Variants in CAPN8 observed in about 807,000 individuals in gnomAD.
The protein encoded by CAPN8 is calpain-8.
Under a neutral mutation model 80.9 loss-of-function variants are expected in CAPN8, and 87 were observed. The observed-to-expected ratio is 1.07, with a 90% confidence interval of 0.90 to 1.28. The LOEUF (loss-of-function observed/expected upper bound fraction) is 1.28, where lower values mean the gene tolerates loss of function less well. CAPN8 is among the 50% of genes most tolerant of loss of function. The pLI is 0.00. For missense variants in CAPN8, 757 were observed against 702.0 expected, an observed-to-expected ratio of 1.08 and a Z score of -0.89; for synonymous variants, 299 against 273.8, an observed-to-expected ratio of 1.09 and a Z score of -0.91.
intron 14 of CAPN8, among the ~76,000 whole-genome samples, chr1:223,553,448 C>T (rs1433728813): frequency 2.6e-5 from 4 of 152,326 alleles, no homozygotes; most frequent in African/African-American, 9.6e-5. Context: ...CTGCCTTCCA[C>T]TGCGGCTGGG....
At chr1:223,641,798 G>A (rs955577353) in intron 2 of CAPN8, among the ~76,000 whole-genome samples, 2 of 152,226 alleles carry the variant, frequency 1.3e-5, no homozygotes, top group African/African-American at 4.8e-5. Flanking sequence ...ACAAGAGGAA[G>A]GAGTGCCTAT....
Position 223,619,354 on chromosome 1 carries a change from C to A in CAPN8, c.1074G>T (p.Leu358=). The A allele has an allele frequency of 6.4e-7, 1 of 1,551,690 alleles. No homozygotes were observed. ...GGGTCCAGTGGCCGTTGAACAGGAC[C>A]AGGTTCCATTTGTGCACCTCCTCGC... ...LSSEEVHKWN[L]VLFNGHWTRG... The change falls in exon 9 of 21, where the codon CTG becomes CTT. Residue 358 remains leucine (L), a synonymous_variant. Transcript: ENST00000366872.
chr1:223,544,781 T>C lies in CAPN8; in HGVS notation c.1903A>G (p.Arg635Gly). Residue 635 changes from arginine (R) to glycine (G), a missense_variant, in exon 18 of 21, where the codon AGG becomes GGG. Coordinates refer to ENST00000366872, the MANE Select transcript of CAPN8 (RefSeq NM_001143962.2). ...CAGGATGTGTCCTCACCTGCCTTCC[T>C]GAGGGCTGTCCTCATCTCGTGGGCA... The part of the protein sequence containing the change: ...IDAHEMRTAL[R>G]KAGFTLNSQV... 6.4e-7 allele frequency: 1 copy of C among 1,551,740 alleles called. No homozygotes were observed. The highest frequency in any genetic ancestry group is 8.7e-7 in the Non-Finnish European group (1 of 1,146,996).
At position 223,637,084 on chromosome 1, in the gene CAPN8, G is replaced by A. The variant is rs546198180; in HGVS notation, c.308-8304C>T. On this transcript the variant is annotated intron_variant, in intron 2 of 20. Transcript: ENST00000366872. ...ACACTCACCTCTCTGAAGACTTCGC[G>A]TATATCATGGTTAGACTCAGGTCTA... 9.1e-4 allele frequency among the ~76,000 whole-genome samples: 138 copies of A among 152,282 alleles called. 1 individual carries two copies. Among genetic ancestry groups the A allele is most frequent in the African/African-American group, 3.2e-3 (131 of 41,550 alleles).
chr1:223,612,082 A>G (rs1200387789), intron 11 of CAPN8, among the ~76,000 whole-genome samples, 164 bp downstream of exon 11: 1 of 152,220 alleles, frequency 6.6e-6, no homozygotes, highest in African/African-American at 2.4e-5. Context: ...ACCCACTCTC[A>G]GAGCTACCAG....
At chr1:223,636,890 T>C (rs1001184775) in intron 2 of CAPN8, among the ~76,000 whole-genome samples, 2 of 147,936 alleles carry the variant, frequency 1.4e-5, no homozygotes, top group African/African-American at 5.0e-5. Context: ...CCTTGAGTAG[T>C]CTATCACTAG....
intron 2 of CAPN8, 113 bp from the exon 3 acceptor site, chr1:223,628,893 G>A (rs1211729987): frequency 4.0e-6 from 3 of 750,068 alleles, no homozygotes; most frequent in Non-Finnish European, 4.3e-6. Flanking sequence ...TCCCTTCTGA[G>A]TCAGGTAGAG....
At chr1:223,657,867 C>G (rs1330345875) in intron 1 of CAPN8, among the ~76,000 whole-genome samples, 2 of 152,166 alleles carry the variant, frequency 1.3e-5, no homozygotes, top group Non-Finnish European at 2.9e-5. Flanking sequence ...CATAAAACTC[C>G]TCTCACCCAT....
At chr1:223,662,900 T>C (rs80170959) in intron 1 of CAPN8, among the ~76,000 whole-genome samples, 8 of 152,208 alleles carry the variant, frequency 5.3e-5, no homozygotes, top group Non-Finnish European at 1.0e-4. Context: ...ATTCAATAAC[T>C]GTAAGATCTT....
At chr1:223,620,317 G>C in intron 7 of CAPN8, 51 bp from the exon 8 acceptor site, 1 of 1,497,718 alleles carries the variant, frequency 6.7e-7, no homozygotes, top group Non-Finnish European at 9.1e-7. Flanking sequence ...TCTACAAGCA[G>C]GGCAAGCTGT....
intron 12 of CAPN8, among the ~76,000 whole-genome samples, chr1:223,558,642 G>A (rs1437454610): frequency 6.6e-6 from 1 of 151,928 alleles, no homozygotes; most frequent in Non-Finnish European, 1.5e-5. Flanking sequence ...GTGTGTATGT[G>A]GTATGAGTGT....
chr1:223,547,608 G>A (rs963779099), intron 16 of CAPN8, among the ~76,000 whole-genome samples: 2 of 152,146 alleles, frequency 1.3e-5, no homozygotes, highest in Non-Finnish European at 2.9e-5. Flanking sequence ...TACGCTGTAT[G>A]GTGTGTAAAT....
intron 15 of CAPN8, among the ~76,000 whole-genome samples, chr1:223,550,450 G>A (rs1656752097): frequency 6.6e-6 from 1 of 152,254 alleles, no homozygotes; most frequent in South Asian, 2.1e-4. Flanking sequence ...GGGCTCAGAG[G>A]GGAGATGCAA....
At chr1:223,617,889 G>A (rs1657248699) in intron 9 of CAPN8, 1 of 201,708 alleles carries the variant, frequency 5.0e-6, no homozygotes, top group Non-Finnish European at 1.0e-5. Context: ...AGGGCAGGAT[G>A]TGGACCCCTT....
At position 223,665,633 on chromosome 1, in the gene CAPN8, G is replaced by T; in HGVS notation, c.14C>A (p.Ala5Glu). Reference sequence around the variant, plus strand: ...TGCCCGCTGCCTAGATACACCAGCTGCCTGGGCTGCCATGGCCGTGGGCTC... The same window carrying T: ...TGCCCGCTGCCTAGATACACCAGCTTCCTGGGCTGCCATGGCCGTGGGCTC... MAAQAAGVSRQRAAT... is the reference protein window; with the variant it reads MAAQEAGVSRQRAAT... Residue 5 changes from alanine (A) to glutamate (E), a missense_variant, in exon 1 of 21, where the codon GCA becomes GAA. Ala to Glu is a moderately radical substitution (Grantham distance 107, BLOSUM62 -1). Coordinates refer to ENST00000366872, the MANE Select transcript of CAPN8 (RefSeq NM_001143962.2). 10 of 1,551,364 alleles carry T rather than the reference G, an allele frequency of 6.4e-6. No individual in the cohort carries two copies. Among genetic ancestry groups the T allele is most frequent in the Non-Finnish European group, 6.1e-6 (7 of 1,146,964 alleles).
intron 2 of CAPN8, among the ~76,000 whole-genome samples, chr1:223,643,649 A>T (rs143276653): frequency 4.3e-4 from 66 of 152,266 alleles, no homozygotes; most frequent in Non-Finnish European, 8.2e-4. Flanking sequence ...AAGCCTTTCA[A>T]TCAGAAGCCA....
chr1:223,649,097 T>A (rs73127609), intron 2 of CAPN8, among the ~76,000 whole-genome samples: 4 of 152,248 alleles, frequency 2.6e-5, no homozygotes, highest in Admixed American at 6.5e-5. Flanking sequence ...GAAGAAAGTA[T>A]CTTGCTCCCC....
At chr1:223,622,968 A>T in intron 6 of CAPN8, 68 bp from the exon 7 acceptor site, 1 of 1,249,438 alleles carries the variant, frequency 8.0e-7, no homozygotes, top group Non-Finnish European at 1.1e-6. Flanking sequence ...GCATGTCTGC[A>T]CCTGACAGGA....
At chr1:223,645,601 AAC>A (rs550843101) in intron 2 of CAPN8, among the ~76,000 whole-genome samples, 168 of 152,326 alleles carry the variant, frequency 1.1e-3, no homozygotes, top group African/African-American at 3.9e-3. Context: ...ATGATGGAGA[AAC>A]AGTTTTTGAG....
Sources: gnomAD v4.1 joint callset for allele counts (sites outside exome capture counted in the v4.1 genomes callset) on GRCh38, gnomAD v4.1.1 for gene constraint, MANE v1.5 for transcripts, NCBI Gene and HGNC (gene_info 2026-07-23, HGNC 2026-07-21) for gene names.